The following SAMD4A variants were observed in gnomAD, a reference collection of about 807,000 sequenced individuals.
SAMD4A encodes protein Smaug homolog 1.
A neutral mutation model predicts 81.3 loss-of-function variants in SAMD4A; 33 were observed. That is an observed-to-expected ratio of 0.41 (90% confidence interval 0.31 to 0.54). The LOEUF (loss-of-function observed/expected upper bound fraction) is 0.54. SAMD4A is among the 20% of genes least tolerant of loss of function. The probability of loss-of-function intolerance (pLI) is 0.37; values close to 1 mark genes in which losing one functional copy is unlikely to be tolerated. For synonymous variants in SAMD4A, 389 were observed against 382.1 expected (o/e 1.02, Z -0.21); for missense variants, 854 against 951.1 (o/e 0.90, Z 1.34).
chr14:54,658,771 C>T (rs1230594714), intron 2 of SAMD4A, among the ~76,000 whole-genome samples: 1 of 152,230 alleles, frequency 6.6e-6, no homozygotes, highest in African/African-American at 2.4e-5. Context: ...TTCCTCCAAG[C>T]CTCTCTACTC....
intron 2 of SAMD4A, among the ~76,000 whole-genome samples, chr14:54,661,509 C>G (rs2035642144): frequency 6.6e-6 from 1 of 152,156 alleles, no homozygotes; most frequent in Admixed American, 6.5e-5. Flanking sequence ...TCCAGAGTCT[C>G]CTATTCTGTG....
intron 2 of SAMD4A, among the ~76,000 whole-genome samples, chr14:54,604,140 C>G (rs756900912): frequency 3.9e-5 from 6 of 152,104 alleles, no homozygotes; most frequent in Non-Finnish European, 8.8e-5. Context: ...TTTATTGTAT[C>G]CTTAATTCCC....
rs1300125038 is a variant in SAMD4A at position 54,686,570 on chromosome 14, A to AAAT, written c.197-15491_197-15490insATA. ...TCTTTGGCTAACCAGAAAAAAAAAA[A>AAAT]ATAGAGGAAGGGCTCAATCTGACTG... On this transcript the variant is annotated intron_variant, in intron 2 of 12. Coordinates refer to ENST00000554335, the MANE Select transcript of SAMD4A (RefSeq NM_015589.6). Among the ~76,000 whole-genome samples, 7 of 151,658 alleles carry AAAT rather than the reference A, an allele frequency of 4.6e-5. 1 individual carries two copies. The highest frequency in any genetic ancestry group is 4.6e-4 in the Admixed American group (7 of 15,230).
At chr14:54,708,441 G>C (rs1226824971) in intron 3 of SAMD4A, among the ~76,000 whole-genome samples, 1 of 152,194 alleles carries the variant, frequency 6.6e-6, no homozygotes, top group African/African-American at 2.4e-5. Context: ...CAGTTTGGGA[G>C]AGAGAAGTGG....
At chr14:54,658,825 C>T (rs1443146370) in intron 2 of SAMD4A, among the ~76,000 whole-genome samples, 1 of 152,228 alleles carries the variant, frequency 6.6e-6, no homozygotes, top group African/African-American at 2.4e-5. Context: ...CTTGCATAGC[C>T]TCGTATTACT....
rs10610242 is a variant in SAMD4A, at chr14:54,691,549, CAAAAAAAAAAA to C, written c.197-10497_197-10487del. Among the ~76,000 whole-genome samples, 433 of 101,068 alleles carry C rather than the reference CAAAAAAAAAAA, an allele frequency of 4.3e-3. 10 individuals are homozygous for C. The highest frequency in any genetic ancestry group is 0.038 in the Admixed American group (383 of 10,168). The allele number at this position is 101,068 out of a possible 152,430, so 66.3% of individuals were successfully genotyped here. On this transcript the variant is annotated intron_variant, in intron 2 of 12. Transcript: ENST00000554335. ...GCAATGAAAAAGTAGCTTCCCTTCT[CAAAAAAAAAAA>C]AAAAAAAAAAAAAAATCTGAAAAAT...
intron 5 of SAMD4A, 80 bp downstream of exon 5, chr14:54,749,004 G>T: frequency 1.0e-6 from 1 of 962,060 alleles, no homozygotes; most frequent in Non-Finnish European, 1.6e-6. Flanking sequence ...ACCTTGTTTG[G>T]ACCCATACCT....
intron 11 of SAMD4A, among the ~76,000 whole-genome samples, chr14:54,782,630 T>TG (rs1466151303): frequency 1.3e-5 from 2 of 152,226 alleles, no homozygotes; most frequent in Non-Finnish European, 2.9e-5. Context: ...AACCCATCGA[T>TG]GCCGGAACAT....
Position 54,721,321 on chromosome 14 carries a change from T to C in SAMD4A, c.716-15703T>C, listed in dbSNP as rs902534318. Among the ~76,000 whole-genome samples the C allele has an allele frequency of 3.3e-5, 5 of 152,336 alleles. No individual in the cohort carries two copies. The East Asian group carries it at 9.6e-4, about 29-fold the overall frequency. ...AATGGCATGTATTTAGATCTCTTTG[T>C]GTAGTCCCTACGCCCCAATAAATAG... On this transcript the variant is annotated intron_variant, in intron 3 of 12. Coordinates refer to ENST00000554335, the MANE Select transcript of SAMD4A (RefSeq NM_015589.6).
chr14:54,737,561 T>TTTTTTTTTTTTTTTTTTTTTTTG (rs34263162), intron 4 of SAMD4A, among the ~76,000 whole-genome samples: 4 of 122,606 alleles, frequency 3.3e-5, no homozygotes, highest in Non-Finnish European at 5.0e-5. Flanking sequence ...TTTTTTTTTT[T>TTTTTTTTTTTTTTTTTTTTTTTG]GCATTGCAGT....
intron 2 of SAMD4A, among the ~76,000 whole-genome samples, chr14:54,620,949 G>T (rs1169174594): frequency 6.6e-6 from 1 of 152,080 alleles, no homozygotes; most frequent in African/African-American, 2.4e-5. Flanking sequence ...TTGTAGAGAT[G>T]AAACATTTTT....
At chr14:54,656,042 C>T (rs1425028751) in intron 2 of SAMD4A, among the ~76,000 whole-genome samples, 1 of 152,096 alleles carries the variant, frequency 6.6e-6, no homozygotes, top group Non-Finnish European at 1.5e-5. Context: ...TAAATATTAA[C>T]ATGTAATGTT....
intron 2 of SAMD4A, among the ~76,000 whole-genome samples, chr14:54,583,905 C>T (rs2033544386): frequency 6.6e-6 from 1 of 152,140 alleles, no homozygotes. Flanking sequence ...AAATGTAATG[C>T]TTTTAAGAAT....
intron 2 of SAMD4A, among the ~76,000 whole-genome samples, chr14:54,675,982 G>A (rs1165874216): frequency 2.0e-5 from 3 of 152,182 alleles, no homozygotes; most frequent in Admixed American, 6.5e-5. Flanking sequence ...CCACGGGAGG[G>A]CTCCCTTAAA....
chr14:54,595,436 T>C (rs1445286873), intron 2 of SAMD4A, among the ~76,000 whole-genome samples: 2 of 148,114 alleles, frequency 1.4e-5, no homozygotes, highest in African/African-American at 4.9e-5. Context: ...TATATTATTA[T>C]AATATATAAA....
chr14:54,587,568 C>T (rs1017626362), intron 2 of SAMD4A, among the ~76,000 whole-genome samples: 2 of 151,346 alleles, frequency 1.3e-5, no homozygotes, highest in Non-Finnish European at 3.0e-5. Context: ...GGCTTCTATG[C>T]CAATTTTGCT....
upstream of SAMD4A, among the ~76,000 whole-genome samples, chr14:54,566,297 T>C (rs1046428155): frequency 4.0e-5 from 6 of 151,652 alleles, no homozygotes; most frequent in South Asian, 4.1e-4. Flanking sequence ...GCCGCCGGGA[T>C]GAGCCGCGCC....
chr14:54,719,215 A>C lies in SAMD4A; in HGVS notation c.715+16635A>C, dbSNP rs80268024. 1.2e-4 allele frequency among the ~76,000 whole-genome samples: 18 copies of C among 151,748 alleles called. No individual in the cohort carries two copies. The East Asian group carries it at 3.5e-3, about 30-fold the overall frequency. On this transcript the variant is annotated intron_variant, in intron 3 of 12. Transcript: ENST00000554335. ...TGCTTGACACCCAGATTTATCTTCA[A>C]CTTAAAGAACCCCACTGCCAAGTCT... is the stretch of plus-strand genomic sequence containing the variant.
intron 8 of SAMD4A, among the ~76,000 whole-genome samples, chr14:54,766,885 C>T (rs371341193): frequency 5.9e-5 from 9 of 152,258 alleles, no homozygotes; most frequent in East Asian, 3.9e-4. Context: ...TCTGGCCTGA[C>T]GCTTCCTGCT....
Sources: allele counts gnomAD v4.1 joint callset (sites outside exome capture counted in the v4.1 genomes callset), GRCh38; gene constraint gnomAD v4.1.1; transcripts MANE v1.5; gene names NCBI Gene and HGNC (gene_info 2026-07-23, HGNC 2026-07-21).